GNG7: variants seen among roughly 807,000 people sequenced by gnomAD.
GNG7 encodes G protein subunit gamma 7, also known as guanine nucleotide-binding protein G(I)/G(S)/G(O) subunit gamma-7.
GNG7 carries 1 observed loss-of-function variant against 4.0 expected under a neutral mutation model. The ratio of observed to expected loss-of-function variants is 0.25; its 90% confidence interval spans 0.09 to 1.18. The LOEUF (loss-of-function observed/expected upper bound fraction) is 1.18. Ranked by LOEUF, GNG7 falls within the 50% of genes most tolerant of loss-of-function variation. The probability of loss-of-function intolerance (pLI) is 0.50; values close to 1 mark genes in which losing one functional copy is unlikely to be tolerated. For missense variants in GNG7, 86 were observed against 91.9 expected (o/e 0.94, Z 0.26); for synonymous variants, 34 against 36.9 (o/e 0.92, Z 0.29).
chr19:2,552,788 A>T (rs923383133), intron 3 of GNG7, among the ~76,000 whole-genome samples: 13 of 151,642 alleles, frequency 8.6e-5, no homozygotes, highest in African/African-American at 2.9e-4. Context: ...TCATAATAAC[A>T]GAAACAAAGT....
At chr19:2,635,062 G>T (rs915574020) in intron 2 of GNG7, among the ~76,000 whole-genome samples, 7 of 152,218 alleles carry the variant, frequency 4.6e-5, no homozygotes, top group African/African-American at 1.7e-4. Flanking sequence ...GAGCCGGATT[G>T]TTCTCTGGGG....
chr19:2,569,839 C>T (rs892677924), intron 2 of GNG7, among the ~76,000 whole-genome samples: 6 of 152,280 alleles, frequency 3.9e-5, no homozygotes, highest in South Asian at 2.1e-4. Context: ...AGACATCTCC[C>T]GGTGTCCCCT....
At chr19:2,540,504 C>T (rs1219066617) in intron 3 of GNG7, among the ~76,000 whole-genome samples, 7 of 152,208 alleles carry the variant, frequency 4.6e-5, no homozygotes. Flanking sequence ...CGTGCCCAGC[C>T]TGTGCAGAGG....
At chr19:2,680,228 A>G (rs1400445171) in intron 1 of GNG7, among the ~76,000 whole-genome samples, 1 of 147,338 alleles carries the variant, frequency 6.8e-6, no homozygotes, top group Non-Finnish European at 1.5e-5. Context: ...GCTCACCACA[A>G]CCTCCACCTC....
At chr19:2,667,840 A>T (rs1983348577) in intron 1 of GNG7, among the ~76,000 whole-genome samples, 1 of 152,130 alleles carries the variant, frequency 6.6e-6, no homozygotes, top group African/African-American at 2.4e-5. Context: ...ATATGAATCC[A>T]GGAGGCAGAG....
At chr19:2,675,947 CTTA>C (rs945329756) in intron 1 of GNG7, among the ~76,000 whole-genome samples, 12 of 152,206 alleles carry the variant, frequency 7.9e-5, no homozygotes, top group African/African-American at 2.7e-4. Flanking sequence ...TGCAGATGGA[CTTA>C]TTATTAAGAT....
chr19:2,638,954 C>T (rs1382059705), intron 2 of GNG7, among the ~76,000 whole-genome samples: 1 of 152,008 alleles, frequency 6.6e-6, no homozygotes, highest in African/African-American at 2.4e-5. Flanking sequence ...ATTTAAAATC[C>T]TGGCCAGGTG....
rs116962830 is a variant in GNG7, at chr19:2,617,573, C to T, written c.-78+28651G>A. Among the ~76,000 whole-genome samples, 3,168 of 152,244 alleles carry T rather than the reference C, an allele frequency of 0.021. 46 individuals are homozygous for T. The highest frequency in any genetic ancestry group is 0.078 in the Middle Eastern group (23 of 294). ...AGACCTCCGCTTCCAGGGAGCCCTC[C>T]GGAATGTCCTTCCTCCTGCCTTCAA... On this transcript the variant is annotated intron_variant, in intron 2 of 4. Coordinates refer to ENST00000382159, the MANE Select transcript of GNG7 (RefSeq NM_052847.3). This position sits in a 1 kb window ranked among gnomAD's most constrained non-coding sequence, Gnocchi z 4.7.
intron 1 of GNG7, chr19:2,700,904 G>C (rs984745662): frequency 6.6e-6 from 1 of 152,070 alleles, no homozygotes; most frequent in Non-Finnish European, 1.5e-5. Flanking sequence ...CCTAGCAACC[G>C]TGTGAAGACG....
At chr19:2,559,001 C>T (rs892706043) in intron 2 of GNG7, among the ~76,000 whole-genome samples, 7 of 151,490 alleles carry the variant, frequency 4.6e-5, no homozygotes, top group African/African-American at 1.7e-4. Flanking sequence ...GTTTCACCAA[C>T]ATGGCCAGGC....
At chr19:2,654,845 G>A (rs1982924082) in intron 1 of GNG7, among the ~76,000 whole-genome samples, 1 of 152,074 alleles carries the variant, frequency 6.6e-6, no homozygotes, top group Non-Finnish European at 1.5e-5. Flanking sequence ...GGGCACTGCA[G>A]GGTGCTAAGC....
chr19:2,702,346 T>G, intron 1 of GNG7, among the ~76,000 whole-genome samples: 1 of 128,898 alleles, frequency 7.8e-6, no homozygotes, highest in East Asian at 2.5e-4. Flanking sequence ...CCCTGCCCCG[T>G]CCCCAGCTAA....
chr19:2,525,395 C>T (rs756146870), intron 3 of GNG7, among the ~76,000 whole-genome samples: 4 of 152,230 alleles, frequency 2.6e-5, no homozygotes, highest in Non-Finnish European at 5.9e-5. Context: ...CCGCGCTGGC[C>T]TCCTAGCAAA....
intron 3 of GNG7, among the ~76,000 whole-genome samples, chr19:2,528,329 T>G (rs1025861503): frequency 1.3e-5 from 2 of 149,260 alleles, no homozygotes; most frequent in South Asian, 2.1e-4. Flanking sequence ...TCCCAGCACT[T>G]TGGGAGGCCG....
intron 1 of GNG7, among the ~76,000 whole-genome samples, chr19:2,650,121 G>A (rs116096216): frequency 5.9e-5 from 9 of 151,814 alleles, no homozygotes; most frequent in African/African-American, 1.9e-4. Flanking sequence ...ATGGACAATC[G>A]GCTCGTTCCT....
intron 1 of GNG7, among the ~76,000 whole-genome samples, chr19:2,657,399 T>TATATATATATATAC (rs1332253018): frequency 2.0e-4 from 16 of 80,734 alleles, no homozygotes; most frequent in African/African-American, 3.1e-4. Context: ...TATATATATA[T>TATATATATATATAC]ACACATAATA....
chr19:2,597,625 G>A (rs1381759313), intron 2 of GNG7, among the ~76,000 whole-genome samples: 2 of 149,610 alleles, frequency 1.3e-5, no homozygotes, highest in Non-Finnish European at 3.0e-5. Flanking sequence ...GGCCGAGTGT[G>A]GTGGCTCACA....
chr19:2,558,285 G>A (rs1979631257), intron 2 of GNG7, among the ~76,000 whole-genome samples: 1 of 150,444 alleles, frequency 6.6e-6, no homozygotes, highest in East Asian at 1.9e-4. Context: ...TACCCAGGCT[G>A]GAGTGCAATG....
At chr19:2,574,870 C>G (rs72974895) in intron 2 of GNG7, among the ~76,000 whole-genome samples, 5 of 152,040 alleles carry the variant, frequency 3.3e-5, no homozygotes, top group Non-Finnish European at 5.9e-5. Context: ...CGCTCTTGTC[C>G]GAAACCGCAC....
Sources: gnomAD v4.1 joint callset for allele counts (sites outside exome capture counted in the v4.1 genomes callset) on GRCh38, gnomAD v4.1.1 for gene constraint, Gnocchi (gnomAD v3.1) non-coding constraint, MANE v1.5 for transcripts, NCBI Gene and HGNC (gene_info 2026-07-23, HGNC 2026-07-21) for gene names.